The following COTL1 variants were observed in gnomAD, a reference collection of about 807,000 sequenced individuals.
The protein encoded by COTL1 is coactosin-like protein.
COTL1 carries 15 observed loss-of-function variants against 16.5 expected under a neutral mutation model. The ratio of observed to expected loss-of-function variants is 0.91; its 90% CI spans 0.61 to 1.40. COTL1 has a LOEUF of 1.40. Ranked by LOEUF, COTL1 falls within the 40% of genes most tolerant of loss-of-function variation. The pLI, the probability that COTL1 is intolerant of heterozygous loss-of-function variation, is 0.00. For missense variants in COTL1, 220 were observed against 201.5 expected (o/e 1.09, Z -0.56); for synonymous variants, 112 against 85.3 (o/e 1.31, Z -1.73).
chr16:84,599,190 G>A (rs2150691732), intron 2 of COTL1, among the ~76,000 whole-genome samples: 1 of 151,270 alleles, frequency 6.6e-6, no homozygotes, highest in Non-Finnish European at 1.5e-5. Context: ...CCCCACCCAG[G>A]ATCCACATTG....
intron 3 of COTL1, among the ~76,000 whole-genome samples, chr16:84,586,872 G>C (rs1366858202): frequency 6.6e-6 from 1 of 152,136 alleles, no homozygotes; most frequent in Non-Finnish European, 1.5e-5. Context: ...TTACAGGCAT[G>C]AGCCACCACG....
chr16:84,602,523 A>G (rs1005827426), intron 2 of COTL1, among the ~76,000 whole-genome samples: 1 of 152,192 alleles, frequency 6.6e-6, no homozygotes, highest in Admixed American at 6.5e-5. Context: ...ATGGACAGAC[A>G]TAACAACTGA....
chr16:84,616,883 C>A (rs1905500305), intron 2 of COTL1, among the ~76,000 whole-genome samples: 1 of 152,184 alleles, frequency 6.6e-6, no homozygotes, highest in African/African-American at 2.4e-5. Context: ...CCCAGCAGTC[C>A]GGGTGGTGTG....
intron 2 of COTL1, among the ~76,000 whole-genome samples, chr16:84,592,675 G>A (rs984312829): frequency 2.6e-5 from 4 of 151,878 alleles, no homozygotes; most frequent in African/African-American, 9.7e-5. Flanking sequence ...CACGAAGCAT[G>A]TAGGTTAGCA....
At chr16:84,612,070 G>A (rs1294544161) in intron 2 of COTL1, among the ~76,000 whole-genome samples, 1 of 152,084 alleles carries the variant, frequency 6.6e-6, no homozygotes, top group Non-Finnish European at 1.5e-5. Context: ...TGGTGCTCTT[G>A]AACGCTACTT....
intron 2 of COTL1, chr16:84,595,597 C>T (rs1597178704): frequency 6.6e-6 from 1 of 152,324 alleles, no homozygotes; most frequent in Non-Finnish European, 1.5e-5. Context: ...CACAGCCCCA[C>T]ATCAGCAGTG....
intron 3 of COTL1, chr16:84,568,028 A>G (rs1375797159): frequency 2.0e-5 from 3 of 152,084 alleles, no homozygotes; most frequent in Non-Finnish European, 4.4e-5. Flanking sequence ...CTTGAGAGAA[A>G]AGCCTGTTGC....
At chr16:84,580,733 C>A (rs1441068823) in intron 3 of COTL1, among the ~76,000 whole-genome samples, 1 of 152,214 alleles carries the variant, frequency 6.6e-6, no homozygotes, top group African/African-American at 2.4e-5. Flanking sequence ...GGGGTCAGTA[C>A]AGCCCCCGGC....
intron 2 of COTL1, among the ~76,000 whole-genome samples, chr16:84,598,022 C>A (rs1294936975): frequency 6.6e-6 from 1 of 152,202 alleles, no homozygotes; most frequent in South Asian, 2.1e-4. Context: ...CACACTGAGC[C>A]CCATCTCAGG....
In COTL1 at chr16:84,606,221, C is replaced by T. The variant is rs79066109; in HGVS notation, c.160+11280G>A. Among the ~76,000 whole-genome samples the T allele has an allele frequency of 1.7e-4, 26 of 152,344 alleles. No homozygotes were observed. In the East Asian group the frequency reaches 4.4e-3, roughly 26 times the overall value. ...TTGCTTAAGTGGGAGAGGAAGGTGG[C>T]GATGCCTGGGCTCTGGAGTAAGAGG... On this transcript the variant is annotated intron_variant, in intron 2 of 3. Transcript: ENST00000262428.
chr16:84,580,193 G>T (rs1220218556), intron 3 of COTL1, among the ~76,000 whole-genome samples: 1 of 152,182 alleles, frequency 6.6e-6, no homozygotes, highest in Non-Finnish European at 1.5e-5. Context: ...TTATTTACAT[G>T]CCAGGCCCAA....
At chr16:84,609,627 C>G (rs1236116854) in intron 2 of COTL1, among the ~76,000 whole-genome samples, 1 of 152,190 alleles carries the variant, frequency 6.6e-6, no homozygotes, top group Non-Finnish European at 1.5e-5. Context: ...TGGTTTGGCT[C>G]TGGGTTCCCA....
intron 2 of COTL1, chr16:84,596,354 G>C (rs1239386116): frequency 6.6e-6 from 1 of 152,240 alleles, no homozygotes; most frequent in Non-Finnish European, 1.5e-5. Context: ...CCAGAGTCCT[G>C]AATGTCTCTA....
chr16:84,588,562 G>A (rs1904787768), intron 3 of COTL1, among the ~76,000 whole-genome samples: 1 of 152,136 alleles, frequency 6.6e-6, no homozygotes, highest in Admixed American at 6.5e-5. Context: ...CTCAGTCTGA[G>A]TGCAGTGGCG....
intron 3 of COTL1, among the ~76,000 whole-genome samples, chr16:84,574,837 T>C (rs1904415902): frequency 6.6e-6 from 1 of 151,964 alleles, no homozygotes; most frequent in Non-Finnish European, 1.5e-5. Context: ...GTGACCTTTC[T>C]CAAGTGCTTA....
chr16:84,605,715 T>C (rs1166446302), intron 2 of COTL1, among the ~76,000 whole-genome samples: 1 of 152,192 alleles, frequency 6.6e-6, no homozygotes, highest in African/African-American at 2.4e-5. Context: ...AAATGGATTC[T>C]CCCCTGGAGC....
intron 2 of COTL1, among the ~76,000 whole-genome samples, chr16:84,599,621 C>A (rs911989670): frequency 1.3e-5 from 2 of 152,176 alleles, no homozygotes; most frequent in Non-Finnish European, 2.9e-5. Flanking sequence ...CCACCCAACA[C>A]TGAACTTTAG....
chr16:84,572,886 G>A (rs1229380136), intron 3 of COTL1, among the ~76,000 whole-genome samples: 2 of 150,860 alleles, frequency 1.3e-5, no homozygotes, highest in South Asian at 2.1e-4. Flanking sequence ...CGAAGTAGCC[G>A]GGACTACAGG....
intron 3 of COTL1, among the ~76,000 whole-genome samples, chr16:84,583,029 G>A (rs1000733435): frequency 1.3e-5 from 2 of 152,184 alleles, no homozygotes; most frequent in African/African-American, 2.4e-5. Context: ...TGTGCAACAC[G>A]AGTCTACAAA....
Sources: gnomAD v4.1 joint callset for allele counts (sites outside exome capture counted in the v4.1 genomes callset) on GRCh38, gnomAD v4.1.1 for gene constraint, MANE v1.5 for transcripts, NCBI Gene and HGNC (gene_info 2026-07-23, HGNC 2026-07-21) for gene names.